COBLL1: variants seen among roughly 807,000 people sequenced by gnomAD.
COBLL1 encodes cordon-bleu protein-like 1.
COBLL1 carries 50 observed loss-of-function variants against 94.8 expected under a neutral mutation model. The ratio of observed to expected loss-of-function variants is 0.53; its 90% CI spans 0.42 to 0.67. The LOEUF (loss-of-function observed/expected upper bound fraction) is 0.67. COBLL1 is among the 30% of genes least tolerant of loss of function. The probability of loss-of-function intolerance (pLI) is 0.00; values close to 1 mark genes in which losing one functional copy is unlikely to be tolerated. For synonymous variants in COBLL1, 448 were observed against 473.8 expected (o/e 0.95, Z 0.71); for missense variants, 1,362 against 1,348.7 (o/e 1.01, Z -0.15).
rs139957108 is a variant in COBLL1, at chr2:164,733,794, G to T, written c.231-3679C>A. 1.4e-4 allele frequency among the ~76,000 whole-genome samples: 22 copies of T among 152,306 alleles called. No homozygotes were observed. The East Asian group carries it at 3.7e-3, about 25-fold the overall frequency. ...GTGTTTTACAGTAATATGCCCAATG[G>T]AATTTTCTGCACTGATGGAAACGTT... On this transcript the variant is annotated intron_variant, in intron 3 of 13. Transcript: ENST00000652658.
chr2:164,780,962 G>A (rs981222708), intron 2 of COBLL1, among the ~76,000 whole-genome samples: 4 of 152,152 alleles, frequency 2.6e-5, no homozygotes, highest in Admixed American at 6.6e-5. Flanking sequence ...TGTGATGTGC[G>A]TATTTTCTCC....
chr2:164,677,847 T>C (rs1450587965), downstream of COBLL1, among the ~76,000 whole-genome samples: 2 of 152,186 alleles, frequency 1.3e-5, no homozygotes, highest in Non-Finnish European at 2.9e-5. Flanking sequence ...TAGAATTCCC[T>C]CTTATTTTTC....
intron 5 of COBLL1, chr2:164,724,146 A>G (rs1225155007): frequency 5.3e-5 from 8 of 152,202 alleles, no homozygotes; most frequent in African/African-American, 1.9e-4. Flanking sequence ...TATAGCTGAC[A>G]CGGAGAACCT....
intron 2 of COBLL1, among the ~76,000 whole-genome samples, chr2:164,754,037 T>C (rs1045560651): frequency 2.6e-5 from 4 of 152,118 alleles, no homozygotes; most frequent in Admixed American, 6.6e-5. Context: ...TGGCCCAGAA[T>C]CTATTTTTTC....
chr2:164,690,675 T>C (rs1237104842), intron 13 of COBLL1, among the ~76,000 whole-genome samples: 1 of 152,196 alleles, frequency 6.6e-6, no homozygotes, highest in Non-Finnish European at 1.5e-5. Flanking sequence ...AACTTGGTTC[T>C]CCCATGGGCC....
chr2:164,776,502 C>A (rs1688469404), intron 2 of COBLL1, among the ~76,000 whole-genome samples: 1 of 152,140 alleles, frequency 6.6e-6, no homozygotes, highest in Non-Finnish European at 1.5e-5. Context: ...TTAATCAAGT[C>A]TACGGTAGCA....
chr2:164,760,277 GAA>G (rs1194908444), intron 2 of COBLL1, among the ~76,000 whole-genome samples: 2 of 152,122 alleles, frequency 1.3e-5, no homozygotes, highest in African/African-American at 4.8e-5. Flanking sequence ...TAGGCTGACT[GAA>G]AAAAGACAGT....
chr2:164,729,225 T>C (rs981583013), intron 4 of COBLL1, among the ~76,000 whole-genome samples: 2 of 151,702 alleles, frequency 1.3e-5, no homozygotes, highest in Non-Finnish European at 2.9e-5. Context: ...TGCAAGAATA[T>C]GTATATTTAA....
intron 7 of COBLL1, among the ~76,000 whole-genome samples, chr2:164,713,975 A>G (rs933771263): frequency 6.6e-6 from 1 of 152,160 alleles, no homozygotes; most frequent in Non-Finnish European, 1.5e-5. Context: ...ATTTAATTAC[A>G]CAATCTTATT....
At position 164,673,385 on chromosome 2, in the gene COBLL1, G is replaced by A. The variant is rs577486031; in HGVS notation, n.127-7484C>T. ...AAGCTCGATCAGTAAGGCTGGGCGCGGTGGCTAGGCCAGGCGCAGTGGCTC... is the reference window on the plus strand; with the variant it reads ...AAGCTCGATCAGTAAGGCTGGGCGCAGTGGCTAGGCCAGGCGCAGTGGCTC... On this transcript the variant is annotated intron_variant and non_coding_transcript_variant, in intron 1 of 2. Coordinates refer to the COBLL1 transcript ENST00000495084. Among the ~76,000 whole-genome samples the A allele has an allele frequency of 9.2e-5, 14 of 152,134 alleles. 1 individual carries two copies. The South Asian group carries it at 2.1e-3, about 23-fold the overall frequency.
chr2:164,823,169 GATTC>G (rs1685265684), intron 2 of COBLL1, among the ~76,000 whole-genome samples: 1 of 152,084 alleles, frequency 6.6e-6, no homozygotes, highest in African/African-American at 2.4e-5. Flanking sequence ...TTTTTAATAA[GATTC>G]AATCATGTTT....
chr2:164,680,833 AC>A lies in COBLL1; in HGVS notation c.*5112del, dbSNP rs1683007339. On this transcript the variant is annotated 3_prime_UTR_variant, in exon 14 of 14. Coordinates refer to ENST00000652658, the MANE Select transcript of COBLL1 (RefSeq NM_001365672.2). The stretch of plus-strand genomic sequence containing the variant: ...TTTATCTTGCAATCCTGTGAAATAG[AC>A]AAATTTAATGACCTTCTGAAGGGGG... 1 of 152,174 alleles carries A rather than the reference AC, an allele frequency of 6.6e-6. No individual in the cohort carries two copies. Among genetic ancestry groups the A allele is most frequent in the African/African-American group, 2.4e-5 (1 of 41,446 alleles). The allele number at this position is 152,174 out of a possible 1,614,324, so 9.4% of individuals were successfully genotyped here.
At position 164,694,257 on chromosome 2, in the gene COBLL1, G is replaced by A. The variant is rs1330548203; in HGVS notation, c.3123+12C>T. On this transcript the variant is annotated intron_variant, in intron 12 of 13. Transcript: ENST00000652658. ...AAATTTGAATACTTATTTTTAAAAA[G>A]GCTACAGTTACCTTATCAGACACAC... 6.2e-7 allele frequency: 1 copy of A among 1,602,220 alleles called. No individual in the cohort carries two copies. The highest frequency in any genetic ancestry group is 1.7e-5 in the Admixed American group (1 of 57,736).
At chr2:164,784,831 A>T (rs1057029991) in intron 2 of COBLL1, among the ~76,000 whole-genome samples, 4 of 152,146 alleles carry the variant, frequency 2.6e-5, no homozygotes, top group Non-Finnish European at 4.4e-5. Context: ...TGTTTTTTTA[A>T]AAACAATTAA....
At chr2:164,746,269 C>G (rs1021274947) in intron 2 of COBLL1, among the ~76,000 whole-genome samples, 1 of 152,136 alleles carries the variant, frequency 6.6e-6, no homozygotes, top group Non-Finnish European at 1.5e-5. Flanking sequence ...ATAATCTAGT[C>G]TCAACGAAAC....
chr2:164,817,361 T>TA (rs10599487), intron 2 of COBLL1, among the ~76,000 whole-genome samples: 11,439 of 115,368 alleles, frequency 0.099, 588 homozygotes, highest in African/African-American at 0.18. Flanking sequence ...TGGTATATAT[T>TA]AAAAAAAAAA....
chr2:164,799,724 A>C (rs1454553083), intron 2 of COBLL1, among the ~76,000 whole-genome samples: 7 of 152,248 alleles, frequency 4.6e-5, no homozygotes, highest in Non-Finnish European at 4.4e-5. Context: ...AGTAATCAAA[A>C]CAATGTGGTA....
intron 6 of COBLL1, 56 bp downstream of exon 6, chr2:164,722,369 T>G: frequency 6.6e-7 from 1 of 1,515,436 alleles, no homozygotes; most frequent in Non-Finnish European, 9.0e-7. Context: ...TAAAAAGCAT[T>G]AGTAATTAAA....
chr2:164,730,236 T>C, intron 3 of COBLL1, 121 bp from the exon 4 acceptor site: 2 of 871,978 alleles, frequency 2.3e-6, no homozygotes, highest in Non-Finnish European at 3.6e-6. Flanking sequence ...AATATTGAAC[T>C]ACAGGTCAAG....
Sources: gnomAD v4.1 joint callset for allele counts (sites outside exome capture counted in the v4.1 genomes callset) on GRCh38, gnomAD v4.1.1 for gene constraint, MANE v1.5 for transcripts, NCBI Gene and HGNC (gene_info 2026-07-23, HGNC 2026-07-21) for gene names.